Variants in WDR11 observed in about 807,000 individuals in gnomAD.
The protein encoded by WDR11 is WD repeat-containing protein 11.
A neutral mutation model predicts 151.2 loss-of-function variants in WDR11; 83 were observed. The observed-to-expected ratio is 0.55, with a 90% CI of 0.46 to 0.66. The LOEUF (loss-of-function observed/expected upper bound fraction) is 0.66, where lower values mean the gene tolerates loss of function less well. WDR11 is among the 30% of genes least tolerant of loss of function. WDR11 has a pLI of 0.00. For missense variants in WDR11, 1,301 were observed against 1,480.9 expected (o/e 0.88, Z 1.99); for synonymous variants, 484 against 533.1 (o/e 0.91, Z 1.27).
In WDR11 at chr10:120,858,758, C is replaced by T. The variant is rs1386475233; in HGVS notation, c.314C>T (p.Ala105Val). ...IIVWDVAAGV[A>V]QCEIQEHAKP... is the part of the protein sequence containing the mutation. ...GTCTGGGATGTAGCAGCAGGAGTAG[C>T]TCAGTGTGAGATCCAAGAGCATGCC... The change falls in exon 3 of 29, where the codon GCT becomes GTT. Residue 105 changes from alanine to valine, a missense_variant. Physicochemically the swap from Ala to Val is moderately conservative, Grantham distance 64. Around this residue, in one of 3 missense-constraint regions of WDR11, gnomAD observed 692 missense variants for 762.5 expected, o/e 0.91. Coordinates refer to ENST00000263461, the MANE Select transcript of WDR11 (RefSeq NM_018117.12). 1.9e-6 allele frequency: 3 copies of T among 1,614,188 alleles called. No homozygotes were observed. The Admixed American group carries it at 5.0e-5, about 27-fold the overall frequency.
intron 11 of WDR11, among the ~76,000 whole-genome samples, chr10:120,878,035 T>C (rs1846860305): frequency 6.6e-6 from 1 of 152,202 alleles, no homozygotes; most frequent in Non-Finnish European, 1.5e-5. Flanking sequence ...CTTTGTCTGG[T>C]AGGCTGAAAC....
chr10:120,890,931 T>G (rs777455047), intron 19 of WDR11, 44 bp downstream of exon 19: 25 of 1,596,870 alleles, frequency 1.6e-5, no homozygotes, highest in Non-Finnish European at 8.6e-7. Context: ...CTGTCTTTAC[T>G]TTGCCACAAG....
In WDR11 at chr10:120,885,870, A is replaced by T; in HGVS notation, c.1905A>T (p.Arg635=). 1 of 1,613,916 alleles carries T rather than the reference A, an allele frequency of 6.2e-7. No homozygotes were observed. The highest frequency in any genetic ancestry group is 8.5e-7 in the Non-Finnish European group (1 of 1,179,820). The part of the protein sequence containing the change: ...KSLRKKQLAT[R]EAMARQTVVS... ...TGAGAAAGAAGCAACTTGCAACTCG[A>T]GAGGCCATGGCCCGCCAGACCGTAG... is the stretch of plus-strand genomic sequence containing the variant. Residue 635 remains arginine, a synonymous_variant, in exon 15 of 29, where the codon CGA becomes CGT. Transcript: ENST00000263461.
At position 120,875,379 on chromosome 10, in the gene WDR11, T is replaced by C. The variant is rs142788753; in HGVS notation, c.1556+1456T>C. Reference sequence around the variant, plus strand: ...AGCTAAATTGACGGAAAAGTGCTTCTTGCTTTCTGTTCCAAAATGCCTACC... The same window carrying C: ...AGCTAAATTGACGGAAAAGTGCTTCCTGCTTTCTGTTCCAAAATGCCTACC... On this transcript the variant is annotated intron_variant, in intron 11 of 28. Coordinates refer to ENST00000263461, the MANE Select transcript of WDR11 (RefSeq NM_018117.12). Among the ~76,000 whole-genome samples the C allele has an allele frequency of 5.9e-5, 9 of 152,374 alleles. No individual in the cohort carries two copies. The East Asian group carries it at 9.6e-4, about 16-fold the overall frequency.
chr10:120,877,936 C>T (rs1378179194), intron 11 of WDR11, among the ~76,000 whole-genome samples: 1 of 152,056 alleles, frequency 6.6e-6, no homozygotes, highest in Non-Finnish European at 1.5e-5. Context: ...ACAGAGAAAG[C>T]CTTTGAAGCT....
In WDR11 at chr10:120,871,271, C is replaced by T. The variant is rs777293920; in HGVS notation, c.1396C>T (p.Pro466Ser). Residue 466 changes from proline (P) to serine (S), a missense_variant, in exon 10 of 29, where the codon CCA becomes TCA. By Grantham distance (74) the Pro-to-Ser change is moderately conservative. Coordinates refer to ENST00000263461, the MANE Select transcript of WDR11 (RefSeq NM_018117.12). Reference protein sequence around the residue: ...LTGLLSGLPAPQFAIRMCPPL... With the variant: ...LTGLLSGLPASQFAIRMCPPL... The stretch of plus-strand genomic sequence containing the variant: ...GGGACTGCTTTCAGGACTGCCCGCA[C>T]CACAGTTTGCTATTCGTATGTGTCC... The T allele has an allele frequency of 1.2e-6, 2 of 1,614,134 alleles. No individual in the cohort carries two copies. The highest frequency in any genetic ancestry group is 1.1e-5 in the South Asian group (1 of 91,072).
At chr10:120,852,442 C>T in intron 1 of WDR11, 82 bp from the exon 2 acceptor site, 1 of 1,134,592 alleles carries the variant, frequency 8.8e-7, no homozygotes, top group African/African-American at 1.5e-5. Flanking sequence ...ATGAATTAGA[C>T]TTATCATTTA....
At chr10:120,885,509 C>T (rs1009539992) in intron 14 of WDR11, among the ~76,000 whole-genome samples, 3 of 151,940 alleles carry the variant, frequency 2.0e-5, no homozygotes, top group African/African-American at 4.8e-5. Context: ...ATCGTGTGCA[C>T]ATAAGAGATG....
At chr10:120,893,957 C>T (rs1460413724) in intron 19 of WDR11, among the ~76,000 whole-genome samples, 6 of 152,032 alleles carry the variant, frequency 3.9e-5, no homozygotes, top group Admixed American at 2.0e-4. Context: ...TTCTCCCATT[C>T]TGTAGGTTGC....
In WDR11 at chr10:120,904,741, C is replaced by A; in HGVS notation, c.3123C>A (p.Thr1041=). 1 of 1,614,118 alleles carries A rather than the reference C, an allele frequency of 6.2e-7. No individual in the cohort carries two copies. The highest frequency in any genetic ancestry group is 8.5e-7 in the Non-Finnish European group (1 of 1,180,018). ...SLKACLVTTV[T]SSGPSQSTIK... is the part of the protein sequence containing the mutation. ...AAGCCTGTTTAGTCACTACTGTCAC[C>A]TCGTCAGGCCCCTCTCAGAGCACCA... Residue 1041 remains threonine (T), a synonymous_variant, in exon 25 of 29, where the codon ACC becomes ACA. Coordinates refer to ENST00000263461, the MANE Select transcript of WDR11 (RefSeq NM_018117.12).
intron 19 of WDR11, among the ~76,000 whole-genome samples, chr10:120,895,311 A>G (rs1051489547): frequency 2.6e-5 from 4 of 152,216 alleles, no homozygotes; most frequent in Admixed American, 1.3e-4. Context: ...TAAAATATGA[A>G]TGGGGCTGAC....
intron 20 of WDR11, 62 bp from the exon 21 acceptor site, chr10:120,900,974 T>A: frequency 8.3e-7 from 1 of 1,210,866 alleles, no homozygotes; most frequent in Non-Finnish European, 1.2e-6. Context: ...TTTTTTCAGG[T>A]GAAGAAATAC....
Position 120,897,229 on chromosome 10 carries a change from G to A in WDR11, c.2516-2800G>A, listed in dbSNP as rs573230615. Among the ~76,000 whole-genome samples, 6 of 152,270 alleles carry A rather than the reference G, an allele frequency of 3.9e-5. No homozygotes were observed. In the South Asian group the frequency reaches 1.2e-3, roughly 32 times the overall value. ...AACGGGAAGTGGGCAAGAAGCAAAA[G>A]CTCAGGTGGACAGAAGAATGCCAGC... On this transcript the variant is annotated intron_variant, in intron 19 of 28. Transcript: ENST00000263461.
intron 13 of WDR11, among the ~76,000 whole-genome samples, chr10:120,881,194 C>T (rs766016890): frequency 6.6e-6 from 1 of 152,092 alleles, no homozygotes; most frequent in Non-Finnish European, 1.5e-5. Flanking sequence ...TGAAAGAACT[C>T]ATTTTCTTTA....
At chr10:120,867,217 G>A (rs773594763) in intron 9 of WDR11, 48 bp downstream of exon 9, 11 of 1,355,198 alleles carry the variant, frequency 8.1e-6, no homozygotes, top group Middle Eastern at 1.8e-4. Flanking sequence ...CTTTCTGAAG[G>A]GCAAAATTAA....
intron 15 of WDR11, 40 bp from the exon 16 acceptor site, chr10:120,886,648 GA>G (rs11395714): frequency 2.9e-5 from 46 of 1,579,096 alleles, no homozygotes; most frequent in Middle Eastern, 1.7e-4. Context: ...CACTCTAGGG[GA>G]AAAAAAAACA....
At position 120,858,632 on chromosome 10, in the gene WDR11, T is replaced by C. The variant is rs375010201; in HGVS notation, c.199-11T>C. 3 of 1,614,070 alleles carry C rather than the reference T, an allele frequency of 1.9e-6. No homozygotes were observed. Among genetic ancestry groups the C allele is most frequent in the African/African-American group, 1.3e-5 (1 of 74,932 alleles). ...CAAGTATTTACTTGATCTGATTTCT[T>C]CTTGATACAGGTTAAATGGGCCAGG... is the stretch of plus-strand genomic sequence containing the variant. On this transcript the variant is annotated splice_polypyrimidine_tract_variant and intron_variant, in intron 2 of 28. Transcript: ENST00000263461.
At position 120,904,149 on chromosome 10, in the gene WDR11, C is replaced by T. The variant is rs755166147; in HGVS notation, c.3027+7C>T. ...GCTACTGCTCTTGGGTCAAGTATGT[C>T]AGTTTTTATAACTCTACATGCTTCA... On this transcript the variant is annotated splice_region_variant and intron_variant, in intron 24 of 28. Coordinates refer to ENST00000263461, the MANE Select transcript of WDR11 (RefSeq NM_018117.12). 6.3e-7 allele frequency: 1 copy of T among 1,594,050 alleles called. No homozygotes were observed.
At chr10:120,889,861 C>T (rs749673574) in intron 17 of WDR11, 34 bp from the exon 18 acceptor site, 1 of 1,420,630 alleles carries the variant, frequency 7.0e-7, no homozygotes, top group Non-Finnish European at 1.0e-6. Context: ...TCTCACTCTA[C>T]ATTGTATTGA....
Sources: gnomAD v4.1 joint callset for allele counts (sites outside exome capture counted in the v4.1 genomes callset) on GRCh38, gnomAD v4.1.1 for gene constraint, gnomAD v4.1.1 regional missense constraint, MANE v1.5 for transcripts, NCBI Gene and HGNC (gene_info 2026-07-23, HGNC 2026-07-21) for gene names.